The following PID1 variants were observed in gnomAD, a reference collection of about 807,000 sequenced individuals.
The protein encoded by PID1 is phosphotyrosine interaction domain containing 1, also known as PTB-containing, cubilin and LRP1-interacting protein.
Under a neutral mutation model 19.1 loss-of-function variants are expected in PID1, and 10 were observed. The ratio of observed to expected loss-of-function variants is 0.52; its 90% confidence interval spans 0.32 to 0.89. The LOEUF (loss-of-function observed/expected upper bound fraction) is 0.89. PID1 is among the 40% of genes least tolerant of loss of function. The pLI, the probability that PID1 is intolerant of heterozygous loss-of-function variation, is 0.03. For missense variants in PID1, 248 were observed against 285.3 expected, an observed-to-expected ratio of 0.87 and a Z score of 0.94; for synonymous variants, 130 against 116.0, an observed-to-expected ratio of 1.12 and a Z score of -0.78.
At chr2:229,202,805 ACTGT>A (rs1181228360) in intron 1 of PID1, among the ~76,000 whole-genome samples, 1 of 152,092 alleles carries the variant, frequency 6.6e-6, no homozygotes, top group African/African-American at 2.4e-5. Flanking sequence ...ATTTCATCAC[ACTGT>A]CTGTGAATTA....
chr2:229,261,555 T>G (rs1378882494), intron 1 of PID1, among the ~76,000 whole-genome samples: 1 of 152,194 alleles, frequency 6.6e-6, no homozygotes, highest in East Asian at 1.9e-4. Context: ...GAATTTATTC[T>G]CAGACCCACA....
rs145156284 is a variant in PID1, at chr2:229,230,668, G to A, written c.30+40346C>T. Among the ~76,000 whole-genome samples the A allele has an allele frequency of 1.6e-4, 25 of 152,302 alleles. No individual in the cohort carries two copies. In the East Asian group the frequency reaches 4.8e-3, roughly 29 times the overall value. On this transcript the variant is annotated intron_variant, in intron 1 of 2. Transcript: ENST00000392055. Reference sequence around the variant, plus strand: ...TTGGGTCTTTGTAGTACCAGCTTGTGAAGCTTTGTCTGAGTTACTGGGAAT... The same window carrying A: ...TTGGGTCTTTGTAGTACCAGCTTGTAAAGCTTTGTCTGAGTTACTGGGAAT...
chr2:229,130,635 A>G (rs577979741), intron 2 of PID1, among the ~76,000 whole-genome samples: 2 of 152,176 alleles, frequency 1.3e-5, no homozygotes, highest in Admixed American at 1.3e-4. Context: ...CAAAGTTCTC[A>G]ATCCATGTCT....
intron 2 of PID1, among the ~76,000 whole-genome samples, chr2:229,110,307 G>A (rs1274430130): frequency 6.6e-6 from 1 of 152,184 alleles, no homozygotes; most frequent in Non-Finnish European, 1.5e-5. Flanking sequence ...GGGAAGACAA[G>A]CTAAGAGGAC....
chr2:229,154,429 TCTCA>T (rs901178673), intron 2 of PID1, among the ~76,000 whole-genome samples: 1 of 152,170 alleles, frequency 6.6e-6, no homozygotes, highest in Non-Finnish European at 1.5e-5. Context: ...AAATTGGATT[TCTCA>T]CTAACCATGC....
chr2:229,080,872 T>C (rs1428527462), intron 2 of PID1, among the ~76,000 whole-genome samples: 1 of 152,190 alleles, frequency 6.6e-6, no homozygotes, highest in Non-Finnish European at 1.5e-5. Context: ...CATAAAAGAC[T>C]GTAGAAAACA....
chr2:229,047,037 T>A (rs1693896532), intron 2 of PID1, among the ~76,000 whole-genome samples: 1 of 152,116 alleles, frequency 6.6e-6, no homozygotes, highest in African/African-American at 2.4e-5. Flanking sequence ...ATTCAGGGTG[T>A]TTCCAAGGAA....
chr2:229,187,234 T>C (rs1245972149), intron 1 of PID1, among the ~76,000 whole-genome samples: 2 of 152,208 alleles, frequency 1.3e-5, no homozygotes, highest in African/African-American at 4.8e-5. Flanking sequence ...CTCTGCCTGT[T>C]ACCCAGTTCC....
intron 2 of PID1, among the ~76,000 whole-genome samples, chr2:229,149,737 T>G (rs1000000067): frequency 6.6e-6 from 1 of 152,152 alleles, no homozygotes; most frequent in African/African-American, 2.4e-5. Context: ...GGGCTTCACA[T>G]CAAGCCAGGC....
chr2:229,204,033 G>A (rs1691553364), intron 1 of PID1, among the ~76,000 whole-genome samples: 2 of 151,980 alleles, frequency 1.3e-5, no homozygotes, highest in African/African-American at 2.4e-5. Context: ...GTATTAAAAT[G>A]AAATTTAATA....
intron 1 of PID1, among the ~76,000 whole-genome samples, chr2:229,269,153 A>C (rs1400498461): frequency 6.6e-6 from 1 of 150,828 alleles, no homozygotes; most frequent in Non-Finnish European, 1.5e-5. Flanking sequence ...TCCAACAGTG[A>C]CTCGGTCTTA....
At chr2:229,044,375 C>A (rs138205665) in intron 2 of PID1, among the ~76,000 whole-genome samples, 1 of 152,104 alleles carries the variant, frequency 6.6e-6, no homozygotes, top group Non-Finnish European at 1.5e-5. Flanking sequence ...CCCATCCCAC[C>A]AAGAAAAAGG....
At chr2:229,070,864 A>G (rs751136812) in intron 2 of PID1, among the ~76,000 whole-genome samples, 5 of 152,236 alleles carry the variant, frequency 3.3e-5, no homozygotes, top group Non-Finnish European at 5.9e-5. Flanking sequence ...AGATGTGGAT[A>G]GAAGACTTAA....
intron 1 of PID1, among the ~76,000 whole-genome samples, chr2:229,238,130 C>A (rs1405206178): frequency 2.0e-5 from 3 of 152,202 alleles, no homozygotes; most frequent in East Asian, 3.9e-4. Context: ...CATTATATTT[C>A]CTTGGTGGTC....
chr2:229,037,002 G>A (rs1693678005), intron 2 of PID1, among the ~76,000 whole-genome samples: 1 of 152,158 alleles, frequency 6.6e-6, no homozygotes, highest in South Asian at 2.1e-4. Flanking sequence ...TTATGACCCA[G>A]AAAGGCATAC....
chr2:229,157,622 G>C (rs1690402241), intron 1 of PID1, among the ~76,000 whole-genome samples: 1 of 152,084 alleles, frequency 6.6e-6, no homozygotes, highest in Non-Finnish European at 1.5e-5. Context: ...CTCTTAACAT[G>C]TAGGAATTTA....
At chr2:229,180,449 T>C (rs533314514) in intron 1 of PID1, among the ~76,000 whole-genome samples, 2 of 152,268 alleles carry the variant, frequency 1.3e-5, no homozygotes, top group East Asian at 1.9e-4. Context: ...AAAATGTCAA[T>C]GTAACTAAGA....
At chr2:229,031,182 C>T (rs888766867) in intron 2 of PID1, among the ~76,000 whole-genome samples, 3 of 124,292 alleles carry the variant, frequency 2.4e-5, no homozygotes, top group African/African-American at 6.3e-5. Flanking sequence ...TGCTACTGCA[C>T]TCCAACCTGG....
chr2:229,266,402 A>C (rs2106295835), intron 1 of PID1, among the ~76,000 whole-genome samples: 1 of 152,314 alleles, frequency 6.6e-6, no homozygotes, highest in African/African-American at 2.4e-5. Context: ...GTGAATTTTA[A>C]CTTCAATAGG....
Sources: gnomAD v4.1 joint callset for allele counts (sites outside exome capture counted in the v4.1 genomes callset) on GRCh38, gnomAD v4.1.1 for gene constraint, MANE v1.5 for transcripts, NCBI Gene and HGNC (gene_info 2026-07-23, HGNC 2026-07-21) for gene names.